The following TCERG1L variants were observed in gnomAD, a reference collection of about 807,000 sequenced individuals.
The protein encoded by TCERG1L is transcription elongation regulator 1 like, also known as transcription elongation regulator 1-like protein.
A neutral mutation model predicts 56.3 loss-of-function variants in TCERG1L; 37 were observed. The observed-to-expected ratio is 0.66, with a 90% CI of 0.51 to 0.87. The LOEUF (loss-of-function observed/expected upper bound fraction) is 0.87. Among genes scored for constraint, TCERG1L ranks in the 40% least tolerant of loss-of-function variants. The pLI is 0.00. For missense variants in TCERG1L, 799 were observed against 774.2 expected (o/e 1.03, Z -0.38); for synonymous variants, 324 against 326.3 (o/e 0.99, Z 0.08).
intron 3 of TCERG1L, among the ~76,000 whole-genome samples, chr10:131,272,992 G>C (rs1162575617): frequency 6.6e-6 from 1 of 152,212 alleles, no homozygotes; most frequent in African/African-American, 2.4e-5. Flanking sequence ...CTGATGGGGA[G>C]GGTCTGTCCA....
chr10:131,311,378 C>A lies in TCERG1L; in HGVS notation c.258G>T (p.Pro86=), dbSNP rs530176388. ...GLPGWPAPSE[P]VLPLLPLPSA... ...AGGGCAGCGGCAGCAGCGGGAGCAC[C>A]GGCTCGCTCGGGGCCGGCCAGCCGG... The change falls in exon 1 of 12, where the codon CCG becomes CCT. Residue 86 remains proline, a synonymous_variant. Transcript: ENST00000368642. This position sits in a 1 kb window ranked among gnomAD's most constrained non-coding sequence, Gnocchi z 4.0. 1.7e-6 allele frequency: 2 copies of A among 1,192,918 alleles called. No individual in the cohort carries two copies. Among genetic ancestry groups the A allele is most frequent in the African/African-American group, 3.2e-5 (2 of 62,334 alleles). 73.9% of individuals were successfully genotyped at this position (1,192,918 alleles called of 1,614,324 possible).
intron 3 of TCERG1L, among the ~76,000 whole-genome samples, chr10:131,291,945 A>C (rs1000071166): frequency 6.6e-6 from 1 of 152,216 alleles, no homozygotes; most frequent in African/African-American, 2.4e-5. Flanking sequence ...TACAGCATCT[A>C]AATAACTACT....
At chr10:131,196,098 G>T (rs1004595889) in intron 4 of TCERG1L, among the ~76,000 whole-genome samples, 21 of 152,240 alleles carry the variant, frequency 1.4e-4, no homozygotes, top group African/African-American at 4.8e-4. Context: ...TTAGGGCCCA[G>T]TATTCATGGT....
rs1248697585 is a variant in TCERG1L, at chr10:131,290,093, GGT to G, written c.670+18116_670+18117del. Among the ~76,000 whole-genome samples, 109 of 50,746 alleles carry G rather than the reference GGT, an allele frequency of 2.1e-3. 8 individuals carry two copies. The highest frequency in any genetic ancestry group is 2.8e-3 in the African/African-American group (40 of 14,060). The allele number at this position is 50,746 out of a possible 152,430, so 33.3% of individuals were successfully genotyped here. A position where few individuals can be genotyped will look rare whatever the true frequency, so the allele number is the denominator to read the frequency against. On this transcript the variant is annotated intron_variant, in intron 3 of 11. Coordinates refer to ENST00000368642, the MANE Select transcript of TCERG1L (RefSeq NM_174937.4). ...GTGTGCACTGCCTCCATCTCCTATC[GGT>G]GTGTGTGTGTATGTGTGCACTGCTG... is the stretch of plus-strand genomic sequence containing the variant.
chr10:131,238,409 G>A (rs888999390), intron 4 of TCERG1L, among the ~76,000 whole-genome samples: 4 of 152,150 alleles, frequency 2.6e-5, no homozygotes, highest in African/African-American at 7.2e-5. Context: ...TCTCCCCACG[G>A]TGCTCAGAGT....
At position 131,191,794 on chromosome 10, in the gene TCERG1L, G is replaced by A. The variant is rs1485530467; in HGVS notation, c.857-24909C>T. On this transcript the variant is annotated intron_variant, in intron 4 of 11. Coordinates refer to ENST00000368642, the MANE Select transcript of TCERG1L (RefSeq NM_174937.4). ...GCAGGAGAATAGCGTGAACCCTGGA[G>A]GCAGAGCTTGCAGTGAGCTGAGATC... is the stretch of plus-strand genomic sequence containing the variant. Among the ~76,000 whole-genome samples the A allele has an allele frequency of 5.5e-5, 7 of 126,306 alleles. 1 individual carries two copies. The highest frequency in any genetic ancestry group is 2.2e-4 in the East Asian group (1 of 4,552). 82.9% of individuals were successfully genotyped at this position (126,306 alleles called of 152,430 possible). A position where few individuals can be genotyped will look rare whatever the true frequency, so the allele number is the denominator to read the frequency against.
At chr10:131,117,911 G>A (rs1053515984) in intron 8 of TCERG1L, among the ~76,000 whole-genome samples, 3 of 152,194 alleles carry the variant, frequency 2.0e-5, no homozygotes, top group African/African-American at 4.8e-5. Context: ...AAATGCAGAC[G>A]CCGTTCTTCT....
At chr10:131,299,354 T>C (rs907184923) in intron 3 of TCERG1L, among the ~76,000 whole-genome samples, 8 of 152,302 alleles carry the variant, frequency 5.3e-5, no homozygotes, top group African/African-American at 1.9e-4. Flanking sequence ...TCCAACTTTA[T>C]TTTGATCCTT....
At chr10:131,211,530 C>T (rs1351161399) in intron 4 of TCERG1L, among the ~76,000 whole-genome samples, 2 of 152,226 alleles carry the variant, frequency 1.3e-5, no homozygotes, top group Non-Finnish European at 2.9e-5. Context: ...GCAGTGACTT[C>T]TCCATCCACA....
chr10:131,219,126 G>A (rs781369975), intron 4 of TCERG1L, among the ~76,000 whole-genome samples: 7 of 152,122 alleles, frequency 4.6e-5, no homozygotes, highest in African/African-American at 7.2e-5. Flanking sequence ...TGCAGGCTCC[G>A]TCCCGCAGTC....
At chr10:131,177,654 C>G (rs1229499286) in intron 4 of TCERG1L, among the ~76,000 whole-genome samples, 1 of 152,150 alleles carries the variant, frequency 6.6e-6, no homozygotes, top group Non-Finnish European at 1.5e-5. Flanking sequence ...CAGAGGGCAG[C>G]GTGTGTGCTG....
intron 4 of TCERG1L, among the ~76,000 whole-genome samples, chr10:131,259,216 G>A (rs2918092): frequency 0.12 from 17,824 of 152,186 alleles, 1,372 homozygotes; most frequent in African/African-American, 0.21. Flanking sequence ...AAATTGGAAA[G>A]TCATGGAACT....
intron 3 of TCERG1L, among the ~76,000 whole-genome samples, chr10:131,297,102 T>G (rs1408814966): frequency 1.3e-5 from 2 of 152,168 alleles, no homozygotes; most frequent in African/African-American, 4.8e-5. Flanking sequence ...GTTGCATAAC[T>G]AGGGCTCCCG....
rs548356067 is a variant in TCERG1L, at chr10:131,112,609, C to T, written c.1395+4190G>A. ...CTGTGGCTGCTCCAGAGTCCCCGAC[C>T]GTCAAAAACGCGGCAGCCCAGGGTG... On this transcript the variant is annotated intron_variant, in intron 9 of 11. Coordinates refer to ENST00000368642, the MANE Select transcript of TCERG1L (RefSeq NM_174937.4). Among the ~76,000 whole-genome samples the T allele has an allele frequency of 4.2e-5, 6 of 142,384 alleles. 1 individual carries two copies. The highest frequency in any genetic ancestry group is 6.3e-5 in the Non-Finnish European group (4 of 63,194). 93.4% of individuals were successfully genotyped at this position (142,384 alleles called of 152,430 possible). A position where few individuals can be genotyped will look rare whatever the true frequency, so the allele number is the denominator to read the frequency against.
chr10:131,269,636 G>T (rs1261519216), intron 3 of TCERG1L, among the ~76,000 whole-genome samples: 1 of 152,234 alleles, frequency 6.6e-6, no homozygotes, highest in Non-Finnish European at 1.5e-5. Flanking sequence ...GGTGAAGTTT[G>T]TGGCTCCCCA....
intron 4 of TCERG1L, among the ~76,000 whole-genome samples, chr10:131,219,573 G>A (rs772857275): frequency 3.7e-4 from 56 of 152,280 alleles, no homozygotes; most frequent in Admixed American, 2.7e-3. Flanking sequence ...GGTGACCTGC[G>A]GGCTGCAGTG....
At chr10:131,261,429 G>C (rs557657330) in intron 3 of TCERG1L, among the ~76,000 whole-genome samples, 1 of 152,332 alleles carries the variant, frequency 6.6e-6, no homozygotes, top group South Asian at 2.1e-4. Flanking sequence ...TAGGATACAG[G>C]TGTAGAATGA....
chr10:131,180,036 C>T (rs757455575), intron 4 of TCERG1L, among the ~76,000 whole-genome samples: 1 of 152,248 alleles, frequency 6.6e-6, no homozygotes, highest in African/African-American at 2.4e-5. Flanking sequence ...TGAGGGAGGT[C>T]GGGAGAAAGA....
At chr10:131,220,143 G>A (rs1322912450) in intron 4 of TCERG1L, among the ~76,000 whole-genome samples, 3 of 152,206 alleles carry the variant, frequency 2.0e-5, no homozygotes, top group Non-Finnish European at 2.9e-5. Flanking sequence ...CCATAGTGAG[G>A]CTTCTCCTGG....
Sources: allele counts gnomAD v4.1 joint callset (sites outside exome capture counted in the v4.1 genomes callset), GRCh38; gene constraint gnomAD v4.1.1; non-coding constraint Gnocchi (gnomAD v3.1); transcripts MANE v1.5; gene names NCBI Gene and HGNC (gene_info 2026-07-23, HGNC 2026-07-21).